Variants in PTPN3 observed in about 807,000 individuals in gnomAD.
The protein encoded by PTPN3 is protein tyrosine phosphatase non-receptor type 3.
Under a neutral mutation model 132.7 loss-of-function variants are expected in PTPN3, and 96 were observed. That is an observed-to-expected ratio of 0.72 (90% CI 0.61 to 0.86). The LOEUF is 0.86. Among genes scored for constraint, PTPN3 ranks in the 40% least tolerant of loss-of-function variants. The probability of loss-of-function intolerance (pLI) is 0.00; values close to 1 mark genes in which losing one functional copy is unlikely to be tolerated. For synonymous variants in PTPN3, 398 were observed against 429.0 expected (o/e 0.93, Z 0.89); for missense variants, 1,125 against 1,159.6 (o/e 0.97, Z 0.43).
chr9:109,514,315 C>A, the PTPN3 span, among the ~76,000 whole-genome samples: 4 of 152,112 alleles, frequency 2.6e-5, no homozygotes, highest in Admixed American at 1.3e-4. Flanking sequence ...TGAAAACTTG[C>A]AATGTAGGCT....
chr9:109,485,309 C>A (rs1847157191), intron 1 of PTPN3, among the ~76,000 whole-genome samples: 1 of 152,090 alleles, frequency 6.6e-6, no homozygotes, highest in African/African-American at 2.4e-5. Context: ...AGATCGAGAC[C>A]ATCCTGGCTA....
intron 1 of PTPN3, among the ~76,000 whole-genome samples, chr9:109,485,626 G>A (rs1847173546): frequency 6.6e-6 from 1 of 152,184 alleles, no homozygotes; most frequent in South Asian, 2.1e-4. Context: ...CCCCAGGAGA[G>A]CTCCCCTTCC....
At chr9:109,412,782 C>A (rs766232845) in intron 14 of PTPN3, among the ~76,000 whole-genome samples, 1 of 152,150 alleles carries the variant, frequency 6.6e-6, no homozygotes, top group Non-Finnish European at 1.5e-5. Flanking sequence ...GCTGGGATTA[C>A]AGGTGTGAGC....
chr9:109,463,700 A>T (rs189241481), intron 1 of PTPN3, among the ~76,000 whole-genome samples: 1 of 152,200 alleles, frequency 6.6e-6, no homozygotes, highest in Non-Finnish European at 1.5e-5. Context: ...CCCTGGTCTG[A>T]GTCTTCTAAT....
At chr9:109,498,333 C>G (rs1394906490), upstream of PTPN3, 1 of 146,214 alleles carries the variant, frequency 6.8e-6, no homozygotes, top group Non-Finnish European at 1.5e-5. This position sits in a 1 kb window ranked among gnomAD's most constrained non-coding sequence, Gnocchi z 4.2. Context: ...CGCCCGCGGG[C>G]GGTTCCCGCC....
At chr9:109,500,073 T>C (rs1278508255), upstream of PTPN3, among the ~76,000 whole-genome samples, 1 of 152,238 alleles carries the variant, frequency 6.6e-6, no homozygotes, top group African/African-American at 2.4e-5. Context: ...CTTTCCCCAC[T>C]GCCTTATCCT....
chr9:109,411,377 G>A (rs950715025), intron 14 of PTPN3, among the ~76,000 whole-genome samples: 2 of 152,132 alleles, frequency 1.3e-5, no homozygotes, highest in African/African-American at 2.4e-5. Context: ...TCCAGACCAT[G>A]CAGAGCCCAC....
intron 1 of PTPN3, among the ~76,000 whole-genome samples, chr9:109,478,313 A>G (rs1246889171): frequency 1.3e-5 from 2 of 151,880 alleles, no homozygotes; most frequent in African/African-American, 4.8e-5. Context: ...CATATATTCC[A>G]CTCTTTCTCA....
At position 109,433,176 on chromosome 9, in the gene PTPN3, A is replaced by C; in HGVS notation, c.676-15T>G. 6.2e-7 allele frequency: 1 copy of C among 1,613,720 alleles called. No individual in the cohort carries two copies. Among genetic ancestry groups the C allele is most frequent in the East Asian group, 2.2e-5 (1 of 44,860 alleles). On this transcript the variant is annotated splice_polypyrimidine_tract_variant and intron_variant, in intron 9 of 25. Coordinates refer to ENST00000374541, the MANE Select transcript of PTPN3 (RefSeq NM_002829.4). The stretch of plus-strand genomic sequence containing the variant: ...TTGTGCAGATCCTGTAAAAAGGAAG[A>C]TCTCAGATCCACAGCATGTTACAGT...
intron 1 of PTPN3, among the ~76,000 whole-genome samples, chr9:109,466,118 G>A (rs1846089323): frequency 6.6e-6 from 1 of 152,168 alleles, no homozygotes; most frequent in Non-Finnish European, 1.5e-5. Context: ...CCCACTAGAT[G>A]CGAAGCCCCA....
intron 14 of PTPN3, among the ~76,000 whole-genome samples, chr9:109,417,148 G>C (rs1467021262): frequency 2.0e-5 from 3 of 152,192 alleles, no homozygotes; most frequent in African/African-American, 7.2e-5. Flanking sequence ...CAACAAAAGA[G>C]TGCAGCCTAC....
chr9:109,497,787 T>C (rs1847738917), intron 1 of PTPN3, among the ~76,000 whole-genome samples: 2 of 151,928 alleles, frequency 1.3e-5, no homozygotes, highest in Admixed American at 1.3e-4. Context: ...AGCCGAGCGC[T>C]GGCAGCCGCT....
At chr9:109,404,696 G>T (rs1473228817) in intron 18 of PTPN3, 88 bp from the exon 19 acceptor site, 2 of 1,305,708 alleles carry the variant, frequency 1.5e-6, no homozygotes, top group Non-Finnish European at 2.0e-6. Flanking sequence ...TATGACACCT[G>T]AATGCAGATG....
At chr9:109,450,892 T>C (rs2132003502) in intron 5 of PTPN3, 1 of 985,420 alleles carries the variant, frequency 1.0e-6, no homozygotes, top group South Asian at 4.7e-5. Flanking sequence ...AACTAACAGA[T>C]ACCACCTCTA....
At chr9:109,428,493 C>T in intron 11 of PTPN3, 128 bp downstream of exon 11, 1 of 915,136 alleles carries the variant, frequency 1.1e-6, no homozygotes, top group South Asian at 1.8e-5. Context: ...TGTTTCTAGT[C>T]CCAGCTACTT....
upstream of PTPN3, among the ~76,000 whole-genome samples, chr9:109,501,823 C>A (rs779537780): frequency 5.9e-5 from 9 of 152,202 alleles, no homozygotes; most frequent in Non-Finnish European, 1.3e-4. Flanking sequence ...ATGATGGAAC[C>A]ACCTGGTCCA....
At chr9:109,473,540 C>T (rs900415785) in intron 1 of PTPN3, among the ~76,000 whole-genome samples, 12 of 152,170 alleles carry the variant, frequency 7.9e-5, no homozygotes, top group Admixed American at 5.2e-4. Context: ...ATAAAGAATG[C>T]TGCGGGAGCC....
At chr9:109,522,890 T>A in the PTPN3 span, among the ~76,000 whole-genome samples, 1 of 152,168 alleles carries the variant, frequency 6.6e-6, no homozygotes, top group Non-Finnish European at 1.5e-5. Context: ...TTCACCTGCT[T>A]GGGGTACAAT....
chr9:109,383,348 C>T (rs1469090927), intron 23 of PTPN3, 75 bp downstream of exon 23: 3 of 1,611,538 alleles, frequency 1.9e-6, no homozygotes, highest in Admixed American at 3.3e-5. Flanking sequence ...CACCTAGAAG[C>T]GTGACCACCT....
Sources: gnomAD v4.1 joint callset for allele counts (sites outside exome capture counted in the v4.1 genomes callset) on GRCh38, gnomAD v4.1.1 for gene constraint, Gnocchi (gnomAD v3.1) non-coding constraint, MANE v1.5 for transcripts, NCBI Gene and HGNC (gene_info 2026-07-23, HGNC 2026-07-21) for gene names.